CLU: variants seen among roughly 807,000 people sequenced by gnomAD.
CLU encodes the protein aging-associated protein 4.
Under a neutral mutation model 46.4 loss-of-function variants are expected in CLU, and 25 were observed. That is an observed-to-expected ratio of 0.54 (90% CI 0.39 to 0.75). CLU has a LOEUF of 0.75. CLU is among the 30% of genes least tolerant of loss of function. The pLI, the probability that CLU is intolerant of heterozygous loss-of-function variation, is 0.00. For synonymous variants in CLU, 235 were observed against 235.1 expected, an observed-to-expected ratio of 1.00 and a Z score of 0.00; for missense variants, 504 against 592.1, an observed-to-expected ratio of 0.85 and a Z score of 1.54.
At chr8:27,611,351 A>T (rs921613191) in intron 1 of CLU, 8 of 456,386 alleles carry the variant, frequency 1.8e-5, no homozygotes, top group Non-Finnish European at 3.1e-5. Flanking sequence ...GTCCCTTTGG[A>T]AGGATGAGTC....
At position 27,599,769 on chromosome 8, in the gene CLU, A is replaced by G; in HGVS notation, c.1164+11T>C. 6.3e-7 allele frequency: 1 copy of G among 1,595,508 alleles called. No homozygotes were observed. The highest frequency in any genetic ancestry group is 8.6e-7 in the Non-Finnish European group (1 of 1,168,874). On this transcript the variant is annotated intron_variant, in intron 7 of 8. Transcript: ENST00000316403. This position sits in a 1 kb window ranked among gnomAD's most constrained non-coding sequence, Gnocchi z 4.0. ...TCCCGAGCCACAGCATGTGGCCGGG[A>G]CACAGCTCACCGTGGTGACCCGCAG... is the stretch of plus-strand genomic sequence containing the variant.
chr8:27,614,310 T>A (rs553836759), intron 1 of CLU: 1 of 208,918 alleles, frequency 4.8e-6, no homozygotes, highest in African/African-American at 2.4e-5. Flanking sequence ...AGGCCAGCTC[T>A]GTCACCTGCT....
chr8:27,606,276 T>C (rs974304387), intron 4 of CLU, 78 bp downstream of exon 4: 9 of 1,514,206 alleles, frequency 5.9e-6, no homozygotes, highest in Admixed American at 3.4e-5. Flanking sequence ...GCATCTGGCA[T>C]GCGGAATGAA....
intron 7 of CLU, 62 bp from the exon 8 acceptor site, chr8:27,598,697 C>T: frequency 6.6e-7 from 1 of 1,522,204 alleles, no homozygotes; most frequent in Admixed American, 1.7e-5. Context: ...ATGCGCTCTG[C>T]AACAGAAGTC....
At chr8:27,613,934 A>G (rs1459852308) in intron 1 of CLU, 1 of 152,240 alleles carries the variant, frequency 6.6e-6, no homozygotes, top group African/African-American at 2.4e-5. Flanking sequence ...CTGGAAGGTC[A>G]AGAGGCTTTG....
At chr8:27,610,726 C>A (rs1183427961) in intron 1 of CLU, 126 bp from the exon 2 acceptor site, 4 of 712,754 alleles carry the variant, frequency 5.6e-6, no homozygotes, top group Non-Finnish European at 1.0e-5. Flanking sequence ...GGCACTGCTG[C>A]ACTTTTATTC....
intron 3 of CLU, among the ~76,000 whole-genome samples, chr8:27,607,103 C>T (rs1461752525): frequency 1.3e-5 from 2 of 152,094 alleles, no homozygotes; most frequent in Admixed American, 6.6e-5. Context: ...TTTGGGAGGC[C>T]GAGGCAGGCA....
chr8:27,610,380 G>A (rs1175761367), intron 2 of CLU, 95 bp downstream of exon 2: 11 of 1,010,882 alleles, frequency 1.1e-5, no homozygotes, highest in Non-Finnish European at 1.7e-5. Context: ...CTGTAACACT[G>A]GGGCCTGATA....
At chr8:27,602,014 CCAGGAAG>C (rs1257747876) in intron 6 of CLU, among the ~76,000 whole-genome samples, 1 of 152,126 alleles carries the variant, frequency 6.6e-6, no homozygotes, top group Non-Finnish European at 1.5e-5. Flanking sequence ...TCGCTTGAAC[CCAGGAAG>C]CAGAGGTTGC....
intron 6 of CLU, among the ~76,000 whole-genome samples, chr8:27,602,477 C>T (rs539452709): frequency 9.2e-5 from 14 of 151,854 alleles, no homozygotes; most frequent in Non-Finnish European, 1.9e-4. Context: ...GTGGAGCACA[C>T]CTGTAGTCTG....
At chr8:27,607,123 G>A (rs1417543782) in intron 3 of CLU, among the ~76,000 whole-genome samples, 2 of 152,024 alleles carry the variant, frequency 1.3e-5, no homozygotes. Context: ...ATATTACTTG[G>A]GGTCAGGAGT....
chr8:27,607,430 C>T (rs965153299), intron 3 of CLU, among the ~76,000 whole-genome samples: 12 of 150,820 alleles, frequency 8.0e-5, no homozygotes, highest in Admixed American at 3.3e-4. Context: ...ATATTTGAAA[C>T]AGTATTAGCT....
At chr8:27,604,620 G>A (rs1341482066) in intron 5 of CLU, among the ~76,000 whole-genome samples, 1 of 152,078 alleles carries the variant, frequency 6.6e-6, no homozygotes, top group East Asian at 1.9e-4. Flanking sequence ...CTACAGGTGT[G>A]CACCACCACA....
At position 27,606,264 on chromosome 8, in the gene CLU, T is replaced by C; in HGVS notation, c.417+90A>G. 2.8e-6 allele frequency: 4 copies of C among 1,451,974 alleles called. No individual in the cohort carries two copies. The South Asian group carries it at 4.6e-5, about 17-fold the overall frequency. The allele number at this position is 1,451,974 out of a possible 1,614,324, so 89.9% of individuals were successfully genotyped here. A position where few individuals can be genotyped will look rare whatever the true frequency, so the allele number is the denominator to read the frequency against. ...GGGCAAGCCAGCCAATGCTAATCAA[T>C]TGCATCTGGCATGCGGAATGAAGCA... is the stretch of plus-strand genomic sequence containing the variant. On this transcript the variant is annotated intron_variant, in intron 4 of 8. Coordinates refer to ENST00000316403, the MANE Select transcript of CLU (RefSeq NM_001831.4).
chr8:27,603,804 A>C (rs1162187004), intron 6 of CLU, among the ~76,000 whole-genome samples: 1 of 152,144 alleles, frequency 6.6e-6, no homozygotes, highest in African/African-American at 2.4e-5. Flanking sequence ...TCTGTGGCTC[A>C]GTTTCCTCAG....
intron 1 of CLU, chr8:27,614,277 T>G (rs1035604997): frequency 1.2e-5 from 2 of 167,668 alleles, no homozygotes; most frequent in East Asian, 3.8e-4. Context: ...GCAGAGGATA[T>G]GCTGCAGGAA....
chr8:27,607,298 C>CT (rs1483260407), intron 3 of CLU, among the ~76,000 whole-genome samples: 1 of 152,054 alleles, frequency 6.6e-6, no homozygotes, highest in Non-Finnish European at 1.5e-5. Context: ...GATCAAACCA[C>CT]TGCACTCCAG....
chr8:27,597,261 A>G lies in CLU; in HGVS notation c.*980T>C, dbSNP rs1167384323. 1 of 452,888 alleles carries G rather than the reference A, an allele frequency of 2.2e-6. No homozygotes were observed. The highest frequency in any genetic ancestry group is 2.1e-5 in the African/African-American group (1 of 48,516). 28.1% of individuals were successfully genotyped at this position (452,888 alleles called of 1,614,324 possible). A position where few individuals can be genotyped will look rare whatever the true frequency, so the allele number is the denominator to read the frequency against. ...CATCTGATGACCAGAATTCTATCAGAGAATGTTAATGAACGAAAAGCCTGA... is the reference window on the plus strand; with the variant it reads ...CATCTGATGACCAGAATTCTATCAGGGAATGTTAATGAACGAAAAGCCTGA... On this transcript the variant is annotated 3_prime_UTR_variant, in exon 9 of 9. Coordinates refer to ENST00000316403, the MANE Select transcript of CLU (RefSeq NM_001831.4).
chr8:27,613,290 G>A (rs1800961190), intron 1 of CLU, among the ~76,000 whole-genome samples: 1 of 151,996 alleles, frequency 6.6e-6, no homozygotes, highest in Non-Finnish European at 1.5e-5. Context: ...AGAGGCTGAG[G>A]CATGAGAACT....
Sources: gnomAD v4.1 joint callset for allele counts (sites outside exome capture counted in the v4.1 genomes callset) on GRCh38, gnomAD v4.1.1 for gene constraint, Gnocchi (gnomAD v3.1) non-coding constraint, MANE v1.5 for transcripts, NCBI Gene and HGNC (gene_info 2026-07-23, HGNC 2026-07-21) for gene names.